CYBA: variants seen among roughly 807,000 people sequenced by gnomAD.
The protein encoded by CYBA is cytochrome b-245 light chain.
CYBA carries 21 observed loss-of-function variants against 20.8 expected under a neutral mutation model. The ratio of observed to expected loss-of-function variants is 1.01; its 90% confidence interval spans 0.72 to 1.46. CYBA has a LOEUF of 1.46. Ranked by LOEUF, CYBA falls within the 40% of genes most tolerant of loss-of-function variation. The pLI is 0.00. For missense variants in CYBA, 344 were observed against 287.0 expected (o/e 1.20, Z -1.43); for synonymous variants, 164 against 127.5 (o/e 1.29, Z -1.93).
chr16:88,643,307 T>A lies in CYBA; in HGVS notation c.*46A>T. On this transcript the variant is annotated 3_prime_UTR_variant, in exon 6 of 6. Coordinates refer to ENST00000261623, the MANE Select transcript of CYBA (RefSeq NM_000101.4). This position sits in a 1 kb window ranked among gnomAD's most constrained non-coding sequence, Gnocchi z 4.3. ...CACGCGCTCCCGGCTTCGCTGCATT[T>A]ATTGCAGGTGGGTGCACCTGGCGGG... 1 of 1,363,568 alleles carries A rather than the reference T, an allele frequency of 7.3e-7. No individual in the cohort carries two copies. The highest frequency in any genetic ancestry group is 9.8e-7 in the Non-Finnish European group (1 of 1,020,848). 84.5% of individuals were successfully genotyped at this position (1,363,568 alleles called of 1,614,324 possible).
chr16:88,646,526 C>T (rs1248854900), intron 4 of CYBA: 1 of 699,564 alleles, frequency 1.4e-6, no homozygotes, highest in Non-Finnish European at 2.6e-6. Context: ...TGACCCCAGA[C>T]CCTGGCGACG....
At chr16:88,645,785 G>C (rs1242222532) in intron 5 of CYBA, 4 of 538,968 alleles carry the variant, frequency 7.4e-6, no homozygotes, top group Non-Finnish European at 1.3e-5. Context: ...CACGGTCTTC[G>C]GCCGGCTGCG....
Position 88,643,437 on chromosome 16 carries a change from G to C in CYBA, c.504C>G (p.Ser168Arg). The change falls in exon 6 of 6, where the codon AGC becomes AGG. Residue 168 changes from serine (S) to arginine (R), a missense_variant. Coordinates refer to ENST00000261623, the MANE Select transcript of CYBA (RefSeq NM_000101.4). The surrounding 1 kb of genome is among the most constrained non-coding windows in gnomAD (Gnocchi z 4.3). ...CCGCCGCCACCGCAGCCTCCTCCTC[G>C]CTGGGCTTCTTGCGGGCCTCGGCCG... ...RPPAEARKKP[S>R]EEEAAVAAGG... 6.5e-7 allele frequency: 1 copy of C among 1,535,516 alleles called. No homozygotes were observed. The highest frequency in any genetic ancestry group is 2.1e-4 in the Middle Eastern group (1 of 4,758).
chr16:88,650,451 C>G lies in CYBA; in HGVS notation c.58+505G>C, dbSNP rs780873575. On this transcript the variant is annotated intron_variant, in intron 1 of 5. Transcript: ENST00000261623. Reference sequence around the variant, plus strand: ...GGGTGGTTTCGGCGCCTTGTGAAATCTCAGACCGCCTCCAGCGCAGACTCC... The same window carrying G: ...GGGTGGTTTCGGCGCCTTGTGAAATGTCAGACCGCCTCCAGCGCAGACTCC... 12 of 459,240 alleles carry G rather than the reference C, an allele frequency of 2.6e-5. No individual in the cohort carries two copies. The Middle Eastern group carries it at 9.6e-4, about 37-fold the overall frequency. 28.4% of individuals were successfully genotyped at this position (459,240 alleles called of 1,614,324 possible). A position where few individuals can be genotyped will look rare whatever the true frequency, so the allele number is the denominator to read the frequency against.
At chr16:88,648,170 ACC>A in intron 1 of CYBA, 56 bp from the exon 2 acceptor site, 1 of 1,530,132 alleles carries the variant, frequency 6.5e-7, no homozygotes. Context: ...GGCCTGGGCC[ACC>A]CCCCTTCTCT....
intron 5 of CYBA, chr16:88,645,726 C>A: frequency 1.8e-6 from 1 of 541,454 alleles, no homozygotes; most frequent in African/African-American, 1.9e-5. Context: ...TGAATCAGCG[C>A]GAATAGGGTT....
At position 88,646,204 on chromosome 16, in the gene CYBA, G is replaced by C; in HGVS notation, c.288-7C>G. On this transcript the variant is annotated splice_polypyrimidine_tract_variant and splice_region_variant and intron_variant, in intron 4 of 5. Coordinates refer to ENST00000261623, the MANE Select transcript of CYBA (RefSeq NM_000101.4). ...GCCGGCGGGCACCGAGAGCCTGGGG[G>C]ACAGCGGGTGAGAGGCAGGGACACA... 6.5e-7 allele frequency: 1 copy of C among 1,548,574 alleles called. No individual in the cohort carries two copies. Among genetic ancestry groups the C allele is most frequent in the East Asian group, 2.4e-5 (1 of 41,494 alleles).
chr16:88,649,176 A>G (rs1031877768), intron 1 of CYBA, among the ~76,000 whole-genome samples: 4 of 152,010 alleles, frequency 2.6e-5, no homozygotes, highest in Non-Finnish European at 4.4e-5. Flanking sequence ...TGACCTCGTG[A>G]TCCGCCCGCC....
At chr16:88,645,653 C>T in intron 5 of CYBA, 2 of 587,384 alleles carry the variant, frequency 3.4e-6, no homozygotes, top group Non-Finnish European at 6.1e-6. Context: ...CAGGGTGCAG[C>T]AGTCATAAAC....
Position 88,643,419 on chromosome 16 carries a change from C to T in CYBA, c.522G>A (p.Val174=), listed in dbSNP as rs1199442120. Reference sequence around the variant, plus strand: ...GACCTCCCGGGGGTCCCCCCGCCGCCACCGCAGCCTCCTCCTCGCTGGGCT... The same window carrying T: ...GACCTCCCGGGGGTCCCCCCGCCGCTACCGCAGCCTCCTCCTCGCTGGGCT... ...RKKPSEEEAA[V]AAGGPPGGPQ... The change falls in exon 6 of 6, where the codon GTG becomes GTA. Residue 174 remains valine (V), a synonymous_variant. Coordinates refer to ENST00000261623, the MANE Select transcript of CYBA (RefSeq NM_000101.4). This position sits in a 1 kb window ranked among gnomAD's most constrained non-coding sequence, Gnocchi z 4.3. 4.0e-5 allele frequency: 59 copies of T among 1,479,870 alleles called. No individual in the cohort carries two copies. The highest frequency in any genetic ancestry group is 1.2e-4 in the South Asian group (9 of 77,730). 91.7% of individuals were successfully genotyped at this position (1,479,870 alleles called of 1,614,324 possible). A position where few individuals can be genotyped will look rare whatever the true frequency, so the allele number is the denominator to read the frequency against.
chr16:88,646,690 G>C, intron 4 of CYBA, 65 bp downstream of exon 4: 3 of 1,434,624 alleles, frequency 2.1e-6, no homozygotes, highest in South Asian at 1.1e-5. Flanking sequence ...CGGCCGGTGG[G>C]ACAGTGGGGA....
At chr16:88,645,370 C>T (rs1467938175) in intron 5 of CYBA, 1 of 702,458 alleles carries the variant, frequency 1.4e-6, no homozygotes, top group Admixed American at 2.0e-5. Context: ...CACGCACACA[C>T]ACTAGAAGAC....
Position 88,648,339 on chromosome 16 carries a change from G to A in CYBA, c.59-225C>T, listed in dbSNP as rs536109017. On this transcript the variant is annotated intron_variant, in intron 1 of 5. Transcript: ENST00000261623. ...GGCGGAGGGGGTGCTGGACATGCCC[G>A]GGCTCTGGGTCCCAGGAGTGGCCAA... Among the ~76,000 whole-genome samples the A allele has an allele frequency of 7.9e-5, 12 of 152,320 alleles. No homozygotes were observed. The South Asian group carries it at 1.0e-3, about 13-fold the overall frequency.
chr16:88,646,583 A>G lies in CYBA; in HGVS notation c.287+172T>C, dbSNP rs560697830. On this transcript the variant is annotated intron_variant, in intron 4 of 5. Transcript: ENST00000261623. ...GAGTGGATCCTTACAAATCCTGCACACTAGACAGCAGACACAGGCCCTGCC... is the reference window on the plus strand; with the variant it reads ...GAGTGGATCCTTACAAATCCTGCACGCTAGACAGCAGACACAGGCCCTGCC... The G allele has an allele frequency of 3.2e-4, 228 of 719,608 alleles. 1 individual carries two copies. The African/African-American group carries it at 3.4e-3, about 11-fold the overall frequency. The allele number at this position is 719,608 out of a possible 1,614,324, so 44.6% of individuals were successfully genotyped here. A position where few individuals can be genotyped will look rare whatever the true frequency, so the allele number is the denominator to read the frequency against.
chr16:88,649,145 G>A (rs1001725744), intron 1 of CYBA, among the ~76,000 whole-genome samples: 1 of 151,482 alleles, frequency 6.6e-6, no homozygotes. Flanking sequence ...CACTGTGTTA[G>A]CCAGGATGGT....
intron 5 of CYBA, chr16:88,645,644 A>C (rs1173158478): frequency 1.7e-6 from 1 of 590,182 alleles, no homozygotes; most frequent in Non-Finnish European, 3.0e-6. Flanking sequence ...GCCTTCTAAC[A>C]GGGTGCAGCA....
In CYBA at chr16:88,651,000, T is replaced by G. The variant is rs1424607199; in HGVS notation, c.14A>C (p.Glu5Ala). 2.4e-5 allele frequency: 39 copies of G among 1,597,830 alleles called. No individual in the cohort carries two copies. Among genetic ancestry groups the G allele is most frequent in the Non-Finnish European group, 3.3e-5 (39 of 1,173,886 alleles). Reference protein sequence around the residue: MGQIEWAMWANEQAL... With the variant: MGQIAWAMWANEQAL... The stretch of plus-strand genomic sequence containing the variant: ...CTGTTCGTTGGCCCACATGGCCCAC[T>G]CGATCTGCCCCATGGCGACACGAAC... Residue 5 changes from glutamate (E) to alanine (A), a missense_variant, in exon 1 of 6, where the codon GAG becomes GCG. Transcript: ENST00000261623.
chr16:88,649,144 A>G lies in CYBA; in HGVS notation c.59-1030T>C, dbSNP rs144556387. 8.5e-3 allele frequency among the ~76,000 whole-genome samples: 1,272 copies of G among 149,350 alleles called. 5 individuals are homozygous for G. Among genetic ancestry groups the G allele is most frequent in the Middle Eastern group, 0.018 (5 of 274 alleles). On this transcript the variant is annotated intron_variant, in intron 1 of 5. Transcript: ENST00000261623. ...AGTAGAGACGGGGTTTCACTGTGTT[A>G]GCCAGGATGGTCTCGATCTCCTGAC...
At chr16:88,646,615 AG>A (rs1907292545) in intron 4 of CYBA, 139 bp downstream of exon 4, 1 of 784,410 alleles carries the variant, frequency 1.3e-6, no homozygotes, top group Non-Finnish European at 2.3e-6. Context: ...TGCCAGAGCC[AG>A]GGACCCGAAT....
Sources: allele counts gnomAD v4.1 joint callset (sites outside exome capture counted in the v4.1 genomes callset), GRCh38; gene constraint gnomAD v4.1.1; non-coding constraint Gnocchi (gnomAD v3.1); transcripts MANE v1.5; gene names NCBI Gene and HGNC (gene_info 2026-07-23, HGNC 2026-07-21).